The following LRP1B variants were observed in gnomAD, a reference collection of about 807,000 sequenced individuals.
LRP1B encodes low-density lipoprotein receptor-related protein 1B.
LRP1B carries 217 observed loss-of-function variants against 556.6 expected under a neutral mutation model. The observed-to-expected ratio is 0.39, with a 90% CI of 0.35 to 0.44. LRP1B has a LOEUF of 0.44. Ranked by LOEUF, LRP1B falls within the 20% of genes least tolerant of loss-of-function variation. The pLI, the probability that LRP1B is intolerant of heterozygous loss-of-function variation, is 1.00. For synonymous variants in LRP1B, 2,047 were observed against 1,865.8 expected (o/e 1.10, Z -2.50); for missense variants, 5,053 against 5,620.8 (o/e 0.90, Z 3.23).
chr2:140,238,911 A>G (rs1680828531), intron 88 of LRP1B, among the ~76,000 whole-genome samples: 1 of 150,868 alleles, frequency 6.6e-6, no homozygotes, highest in South Asian at 2.1e-4. Context: ...TTTCACGTCC[A>G]TTTGTAAGTG....
chr2:141,483,414 T>A (rs201287853), intron 2 of LRP1B, among the ~76,000 whole-genome samples: 22,287 of 79,704 alleles, frequency 0.28, 3,897 homozygotes, highest in Non-Finnish European at 0.32. Flanking sequence ...ATAGTGCCAC[T>A]ATAAACATAC....
chr2:140,969,285 T>C (rs1696333654), intron 18 of LRP1B, among the ~76,000 whole-genome samples: 2 of 152,194 alleles, frequency 1.3e-5, no homozygotes. Flanking sequence ...CATTATGTAA[T>C]GGCCTTCGTC....
intron 3 of LRP1B, among the ~76,000 whole-genome samples, chr2:141,398,786 C>T (rs1392087523): frequency 6.6e-6 from 1 of 152,188 alleles, no homozygotes; most frequent in Non-Finnish European, 1.5e-5. Context: ...CTTACAACAG[C>T]TGACTGAAAC....
intron 2 of LRP1B, among the ~76,000 whole-genome samples, chr2:141,804,730 G>A (rs886236871): frequency 6.6e-6 from 1 of 151,990 alleles, no homozygotes; most frequent in Non-Finnish European, 1.5e-5. Flanking sequence ...GTATAGAGTG[G>A]AGAAGGAATG....
intron 2 of LRP1B, among the ~76,000 whole-genome samples, chr2:141,489,940 A>G (rs983283084): frequency 7.2e-5 from 11 of 152,160 alleles, no homozygotes; most frequent in African/African-American, 2.4e-4. Flanking sequence ...TATCTGTAAA[A>G]TAGGTTCCAG....
At chr2:141,167,417 T>C (rs1165362767) in intron 7 of LRP1B, 1 of 151,894 alleles carries the variant, frequency 6.6e-6, no homozygotes, top group African/African-American at 2.4e-5. Flanking sequence ...ATCGTGTCTA[T>C]ATAGATTAAC....
At chr2:140,989,823 T>G in intron 16 of LRP1B, among the ~76,000 whole-genome samples, 166 bp from the exon 17 acceptor site, 1 of 152,310 alleles carries the variant, frequency 6.6e-6, no homozygotes, top group Admixed American at 6.5e-5. Flanking sequence ...TAATATTCAC[T>G]TTGTTAAAAT....
chr2:140,686,022 A>G (rs1206194198), intron 41 of LRP1B, among the ~76,000 whole-genome samples: 1 of 152,168 alleles, frequency 6.6e-6, no homozygotes, highest in African/African-American at 2.4e-5. Context: ...AAGGGATTTG[A>G]ACTAAATTTT....
chr2:142,045,304 G>A (rs889851803), intron 1 of LRP1B, among the ~76,000 whole-genome samples: 4 of 151,764 alleles, frequency 2.6e-5, no homozygotes, highest in Admixed American at 1.3e-4. Context: ...AAAAGTGGGT[G>A]AAAATTTGAA....
In LRP1B at chr2:141,015,687, G is replaced by T. The variant is rs190537923; in HGVS notation, c.2190+9C>A. 2 of 1,599,016 alleles carry T rather than the reference G, an allele frequency of 1.3e-6. No homozygotes were observed. Among genetic ancestry groups the T allele is most frequent in the Middle Eastern group, 1.7e-4 (1 of 6,010 alleles). On this transcript the variant is annotated intron_variant, in intron 13 of 90. Transcript: ENST00000389484. ...CTGTGGGTTAAAAACAGCAGCATTT[G>T]TCTTTTACCTTCCTGTGAGTCCCAT...
intron 7 of LRP1B, among the ~76,000 whole-genome samples, chr2:141,151,826 T>G (rs909679002): frequency 6.6e-6 from 1 of 152,152 alleles, no homozygotes; most frequent in Non-Finnish European, 1.5e-5. Context: ...AAAATCCAGA[T>G]AGTGTTCTTG....
intron 3 of LRP1B, among the ~76,000 whole-genome samples, chr2:141,412,794 C>T (rs143024410): frequency 0.015 from 2,260 of 151,896 alleles, 57 homozygotes; most frequent in African/African-American, 0.051. Flanking sequence ...ATCCTGAATC[C>T]CCCAAAATTA....
rs34006829 is a variant in LRP1B, at chr2:140,378,294, TA to T, written c.10532-9del. 2.0e-6 allele frequency: 3 copies of T among 1,477,210 alleles called. No homozygotes were observed. Among genetic ancestry groups the T allele is most frequent in the African/African-American group, 2.8e-5 (2 of 71,946 alleles). The allele number at this position is 1,477,210 out of a possible 1,614,324, so 91.5% of individuals were successfully genotyped here. A position where few individuals can be genotyped will look rare whatever the true frequency, so the allele number is the denominator to read the frequency against. On this transcript the variant is annotated splice_polypyrimidine_tract_variant and intron_variant, in intron 67 of 90. Coordinates refer to ENST00000389484, the MANE Select transcript of LRP1B (RefSeq NM_018557.3). ...ATGTACATGTCTGTGGCTCTGGGGATAAAAAAACAGCACAGGGTTATTCTAT... is the reference window on the plus strand; with the variant it reads ...ATGTACATGTCTGTGGCTCTGGGGATAAAAAACAGCACAGGGTTATTCTAT...
intron 1 of LRP1B, among the ~76,000 whole-genome samples, chr2:142,077,293 G>A (rs1705538432): frequency 6.6e-6 from 1 of 152,078 alleles, no homozygotes; most frequent in South Asian, 2.1e-4. Context: ...AATATTTTCT[G>A]AAAGTAAGAG....
intron 1 of LRP1B, among the ~76,000 whole-genome samples, chr2:141,843,530 T>A (rs980974749): frequency 6.6e-6 from 1 of 152,208 alleles, no homozygotes; most frequent in Admixed American, 6.6e-5. Context: ...ATCCATGTTC[T>A]ACTTGATTGC....
At chr2:141,201,860 T>C (rs889734792) in intron 6 of LRP1B, among the ~76,000 whole-genome samples, 3 of 152,164 alleles carry the variant, frequency 2.0e-5, no homozygotes, top group African/African-American at 4.8e-5. Context: ...TCAGTTTCAT[T>C]CAGTCTGTTA....
chr2:141,184,448 G>A lies in LRP1B; in HGVS notation c.1013+3973C>T, dbSNP rs528432595. On this transcript the variant is annotated intron_variant, in intron 7 of 90. Coordinates refer to ENST00000389484, the MANE Select transcript of LRP1B (RefSeq NM_018557.3). The stretch of plus-strand genomic sequence containing the variant: ...GAGAGGTGCCCACTCTATACCCGGA[G>A]GAAAGGAGCTTCCATATCTCTGAAA... Among the ~76,000 whole-genome samples, 328 of 151,952 alleles carry A rather than the reference G, an allele frequency of 2.2e-3. 4 individuals are homozygous for A. Among genetic ancestry groups the A allele is most frequent in the Middle Eastern group, 0.017 (5 of 294 alleles).
intron 51 of LRP1B, among the ~76,000 whole-genome samples, chr2:140,512,010 T>C (rs1689683978): frequency 2.0e-5 from 3 of 152,190 alleles, no homozygotes; most frequent in Non-Finnish European, 4.4e-5. Context: ...CTTGAGATGT[T>C]TTTAACTGCA....
intron 2 of LRP1B, among the ~76,000 whole-genome samples, chr2:141,552,166 T>A (rs558791855): frequency 6.6e-6 from 1 of 152,190 alleles, no homozygotes; most frequent in Admixed American, 6.6e-5. Flanking sequence ...AAATGCAGTA[T>A]CATTGGTATC....
Sources: gnomAD v4.1 joint callset for allele counts (sites outside exome capture counted in the v4.1 genomes callset) on GRCh38, gnomAD v4.1.1 for gene constraint, MANE v1.5 for transcripts, NCBI Gene and HGNC (gene_info 2026-07-23, HGNC 2026-07-21) for gene names.